The following CHN2 variants were observed in gnomAD, a reference collection of about 807,000 sequenced individuals.
The protein encoded by CHN2 is beta-chimaerin.
A neutral mutation model predicts 56.3 loss-of-function variants in CHN2; 35 were observed. The ratio of observed to expected loss-of-function variants is 0.62; its 90% CI spans 0.47 to 0.82. The LOEUF is 0.82. Ranked by LOEUF, CHN2 falls within the 40% of genes least tolerant of loss-of-function variation. CHN2 has a pLI of 0.00. For missense variants in CHN2, 491 were observed against 580.5 expected, an observed-to-expected ratio of 0.85 and a Z score of 1.58; for synonymous variants, 210 against 212.8, an observed-to-expected ratio of 0.99 and a Z score of 0.12.
rs58336150 is a variant in CHN2, at chr7:29,444,517, G to C, written c.577-35762G>C. On this transcript the variant is annotated intron_variant, in intron 6 of 12. Transcript: ENST00000222792. ...GGCTGGCTGGGCCTGCCTCCCTTCA[G>C]AGTCTGTCATCCTCAGTGCCTCATT... 5.5e-3 allele frequency among the ~76,000 whole-genome samples: 834 copies of C among 152,298 alleles called. 10 individuals are homozygous for C. The highest frequency in any genetic ancestry group is 0.019 in the African/African-American group (771 of 41,562).
intron 3 of CHN2, among the ~76,000 whole-genome samples, chr7:29,384,367 A>C (rs4722904): frequency 0.18 from 27,076 of 152,084 alleles, 2,502 homozygotes; most frequent in Middle Eastern, 0.29. Context: ...CTGCCTCTGC[A>C]TGATCTTCAA....
intron 2 of CHN2, chr7:29,184,299 TTATA>T (rs1798448951): frequency 6.6e-6 from 1 of 151,148 alleles, no homozygotes. Flanking sequence ...TTTAGGAATA[TTATA>T]TATGGTATAT....
At chr7:29,509,521 AACCAC>A in intron 12 of CHN2, 115 bp downstream of exon 12, 6 of 769,388 alleles carry the variant, frequency 7.8e-6, no homozygotes, top group Non-Finnish European at 1.1e-5. Context: ...CTGTGCCAGG[AACCAC>A]TCCAGGCACT....
chr7:29,412,549 T>C (rs1803342303), intron 6 of CHN2, among the ~76,000 whole-genome samples: 1 of 152,130 alleles, frequency 6.6e-6, no homozygotes, highest in Admixed American at 6.5e-5. Context: ...CACAACGGTC[T>C]CAATCTCTTG....
chr7:29,192,408 T>G (rs39048), upstream of CHN2: 135,672 of 152,272 alleles, frequency 0.89, 60,679 homozygotes, highest in East Asian at 0.98. Flanking sequence ...TGCAGAAACA[T>G]AATCTGTTGT....
rs777224619 is a variant in CHN2 at position 29,495,957 on chromosome 7, C to A, written c.660C>A (p.His220Gln). Residue 220 changes from histidine (H) to glutamine (Q), a missense_variant, in exon 8 of 13, where the codon CAC becomes CAA. His to Gln is a conservative substitution (Grantham distance 24, BLOSUM62 0). Transcript: ENST00000222792. ...NYEKTHNFKVHTFRGPHWCEY... is the reference protein window; with the variant it reads ...NYEKTHNFKVQTFRGPHWCEY... ...TTCTTCTTTTTGGATCACAGGTCCA[C>A]ACGTTCCGAGGCCCACACTGGTGTG... 9 of 1,613,160 alleles carry A rather than the reference C, an allele frequency of 5.6e-6. No individual in the cohort carries two copies. The East Asian group carries it at 1.8e-4, about 32-fold the overall frequency.
chr7:29,363,808 G>A (rs1307709198), intron 2 of CHN2, among the ~76,000 whole-genome samples: 1 of 152,158 alleles, frequency 6.6e-6, no homozygotes, highest in African/African-American at 2.4e-5. Context: ...AGCGAGCCAT[G>A]TGGATATCTT....
intron 2 of CHN2, among the ~76,000 whole-genome samples, chr7:29,165,484 C>CT (rs1795793502): frequency 6.6e-6 from 1 of 152,068 alleles, no homozygotes; most frequent in South Asian, 2.1e-4. Flanking sequence ...TTTCCACAGT[C>CT]ATGTTGTCTG....
chr7:29,399,033 C>T (rs1423932892), intron 5 of CHN2, among the ~76,000 whole-genome samples: 5 of 152,218 alleles, frequency 3.3e-5, no homozygotes, highest in Non-Finnish European at 7.3e-5. Flanking sequence ...ACAATTACCC[C>T]TCCCTACTCC....
Position 29,376,144 on chromosome 7 carries a change from A to G in CHN2, c.144+8157A>G, listed in dbSNP as rs141046700. Among the ~76,000 whole-genome samples the G allele has an allele frequency of 2.6e-4, 40 of 152,326 alleles. No individual in the cohort carries two copies. The East Asian group carries it at 7.7e-3, about 29-fold the overall frequency. On this transcript the variant is annotated intron_variant, in intron 3 of 12. Transcript: ENST00000222792. ...AAAAATGTGGATGATGCAATCTCAG[A>G]CAGCCTCAATTTTAATATGACTATG...
intron 3 of CHN2, among the ~76,000 whole-genome samples, chr7:29,389,026 G>C (rs1345312764): frequency 1.3e-5 from 2 of 152,030 alleles, no homozygotes; most frequent in Non-Finnish European, 2.9e-5. Context: ...TTTCATTTCT[G>C]CCAAGTTCCC....
chr7:29,191,764 A>C (rs1248519126), upstream of CHN2: 4 of 152,250 alleles, frequency 2.6e-5, no homozygotes, highest in African/African-American at 9.6e-5. Context: ...TATTACCTAG[A>C]ATTAAGGCAA....
intron 3 of CHN2, among the ~76,000 whole-genome samples, chr7:29,381,831 A>AAAAAAAAAAAAAAAAAAAAAAAG (rs1800536531): frequency 6.8e-6 from 1 of 147,502 alleles, no homozygotes; most frequent in South Asian, 2.1e-4. Flanking sequence ...AAAAAAAAAA[A>AAAAAAAAAAAAAAAAAAAAAAAG]AAAAAGCAGG....
intron 6 of CHN2, among the ~76,000 whole-genome samples, chr7:29,440,164 C>T (rs1783525466): frequency 6.6e-6 from 1 of 152,152 alleles, no homozygotes; most frequent in African/African-American, 2.4e-5. Context: ...AGGTTCATCC[C>T]CCTCACTGAT....
chr7:29,172,258 G>A (rs1796701628), intron 2 of CHN2, among the ~76,000 whole-genome samples: 1 of 152,182 alleles, frequency 6.6e-6, no homozygotes, highest in Non-Finnish European at 1.5e-5. Context: ...CTGAGTTCTT[G>A]AAAGCATGGT....
intron 6 of CHN2, among the ~76,000 whole-genome samples, chr7:29,401,453 T>G (rs1446944463): frequency 6.6e-6 from 1 of 152,184 alleles, no homozygotes; most frequent in African/African-American, 2.4e-5. Context: ...AAACATGTTT[T>G]CAGTCACCAT....
chr7:29,281,398 A>G (rs549246000), intron 1 of CHN2, among the ~76,000 whole-genome samples: 7 of 152,322 alleles, frequency 4.6e-5, no homozygotes, highest in African/African-American at 1.4e-4. Flanking sequence ...ATTTAGGGAC[A>G]CTTAGGTTGT....
At chr7:29,442,273 G>A (rs549313820) in intron 6 of CHN2, among the ~76,000 whole-genome samples, 18 of 152,248 alleles carry the variant, frequency 1.2e-4, no homozygotes, top group African/African-American at 4.3e-4. Flanking sequence ...TCCCCATCAG[G>A]TCAGATTCTC....
intron 12 of CHN2, among the ~76,000 whole-genome samples, chr7:29,512,087 C>A (rs1481403258): frequency 6.6e-6 from 1 of 152,074 alleles, no homozygotes; most frequent in Non-Finnish European, 1.5e-5. Flanking sequence ...TACACATAAC[C>A]TTTCTCCTCT....
Sources: gnomAD v4.1 joint callset for allele counts (sites outside exome capture counted in the v4.1 genomes callset) on GRCh38, gnomAD v4.1.1 for gene constraint, MANE v1.5 for transcripts, NCBI Gene and HGNC (gene_info 2026-07-23, HGNC 2026-07-21) for gene names.